COL25A1: variants seen among roughly 807,000 people sequenced by gnomAD.
COL25A1 encodes collagen alpha-1(XXV) chain.
In COL25A1, 103 loss-of-function variants were observed where a neutral mutation model predicts 128.4. The ratio of observed to expected loss-of-function variants is 0.80; its 90% CI spans 0.68 to 0.94. The LOEUF is 0.94. Among genes scored for constraint, COL25A1 ranks in the 40% least tolerant of loss-of-function variants. COL25A1 has a pLI of 0.00. For synonymous variants in COL25A1, 279 were observed against 277.2 expected, an observed-to-expected ratio of 1.01 and a Z score of -0.06; for missense variants, 745 against 840.0, an observed-to-expected ratio of 0.89 and a Z score of 1.40.
At chr4:108,832,990 A>AATAAATAC (rs1315517848) in intron 31 of COL25A1, among the ~76,000 whole-genome samples, 1 of 145,972 alleles carries the variant, frequency 6.9e-6, no homozygotes, top group African/African-American at 2.8e-5. Context: ...TAAATAAATA[A>AATAAATAC]ATAAATAAAT....
chr4:108,889,665 C>T lies in COL25A1; in HGVS notation c.939+36G>A, dbSNP rs755355341. Reference sequence around the variant, plus strand: ...AGGCCTATAAAAATCAGAACTGTAACTCCTGGAGTACAAATACTTGCAAGG... The same window carrying T: ...AGGCCTATAAAAATCAGAACTGTAATTCCTGGAGTACAAATACTTGCAAGG... On this transcript the variant is annotated intron_variant, in intron 17 of 37. Transcript: ENST00000399132. 3 of 1,601,500 alleles carry T rather than the reference C, an allele frequency of 1.9e-6. No individual in the cohort carries two copies. In the East Asian group the frequency reaches 6.7e-5, roughly 36 times the overall value.
intron 3 of COL25A1, among the ~76,000 whole-genome samples, chr4:109,245,964 T>G (rs1578536926): frequency 7.0e-6 from 1 of 142,384 alleles, no homozygotes; most frequent in South Asian, 2.2e-4. Flanking sequence ...AGGCCAGGCC[T>G]GAAAACTAGT....
chr4:108,853,913 T>C (rs1262315579), intron 24 of COL25A1, among the ~76,000 whole-genome samples: 1 of 152,172 alleles, frequency 6.6e-6, no homozygotes, highest in Non-Finnish European at 1.5e-5. Context: ...ATCCAGTCTA[T>C]CATTGATGGG....
intron 6 of COL25A1, among the ~76,000 whole-genome samples, chr4:109,004,674 T>C (rs990950151): frequency 2.0e-5 from 3 of 151,722 alleles, no homozygotes; most frequent in Non-Finnish European, 4.4e-5. Flanking sequence ...TGGCACCTTC[T>C]CTCTCTCTCT....
chr4:109,292,655 G>A (rs540007114), intron 3 of COL25A1, among the ~76,000 whole-genome samples: 1 of 151,978 alleles, frequency 6.6e-6, no homozygotes, highest in Non-Finnish European at 1.5e-5. Context: ...TGGAGAGCCC[G>A]TAAGTGACAC....
At chr4:108,874,104 G>C (rs1230919569) in intron 19 of COL25A1, among the ~76,000 whole-genome samples, 1 of 152,148 alleles carries the variant, frequency 6.6e-6, no homozygotes, top group Non-Finnish European at 1.5e-5. Flanking sequence ...TGTTAACCAG[G>C]GTAGAGGAAA....
At chr4:108,998,531 C>T (rs1454792550) in intron 6 of COL25A1, among the ~76,000 whole-genome samples, 3 of 152,110 alleles carry the variant, frequency 2.0e-5, no homozygotes, top group African/African-American at 7.2e-5. Flanking sequence ...ATGAAAATGG[C>T]CAACCTGCCC....
chr4:108,884,114 T>A (rs1293289613), intron 19 of COL25A1, 64 bp downstream of exon 19: 1 of 1,520,702 alleles, frequency 6.6e-7, no homozygotes, highest in Admixed American at 1.7e-5. Context: ...CCTATTTTCC[T>A]CCAATTTGGG....
chr4:109,138,713 TTTTG>T (rs1770069426), intron 3 of COL25A1, among the ~76,000 whole-genome samples: 1 of 152,112 alleles, frequency 6.6e-6, no homozygotes, highest in Non-Finnish European at 1.5e-5. Context: ...GTTTTTTGTT[TTTTG>T]TTTTTTTTGA....
chr4:109,225,246 T>G (rs2126214263), intron 3 of COL25A1, among the ~76,000 whole-genome samples: 1 of 152,212 alleles, frequency 6.6e-6, no homozygotes, highest in South Asian at 2.1e-4. Context: ...ACAAAAAAAC[T>G]TACATTCAGA....
intron 5 of COL25A1, among the ~76,000 whole-genome samples, chr4:109,047,480 A>G (rs1332116474): frequency 6.6e-6 from 1 of 152,012 alleles, no homozygotes; most frequent in Non-Finnish European, 1.5e-5. Context: ...CTCGGGGGAA[A>G]AGGTGTGAAG....
At chr4:108,945,508 T>G (rs1291163992) in intron 8 of COL25A1, among the ~76,000 whole-genome samples, 1 of 152,190 alleles carries the variant, frequency 6.6e-6, no homozygotes, top group Non-Finnish European at 1.5e-5. Context: ...CATAATCCTT[T>G]CTAAACAAAT....
In COL25A1 at chr4:108,810,109, C is replaced by T. The variant is rs1194722526; in HGVS notation, c.*3818G>A. ...ATGTTAAAACACCACCAAAGTATAG[C>T]CCTACTCTGGGTAAGACAATATATA... On this transcript the variant is annotated 3_prime_UTR_variant, in exon 38 of 38. Transcript: ENST00000399132. The T allele has an allele frequency of 6.6e-6, 1 of 151,620 alleles. No individual in the cohort carries two copies. The highest frequency in any genetic ancestry group is 1.5e-5 in the Non-Finnish European group (1 of 67,822). The allele number at this position is 151,620 out of a possible 1,614,324, so 9.4% of individuals were successfully genotyped here.
chr4:109,078,006 G>T (rs1028696632), intron 3 of COL25A1, among the ~76,000 whole-genome samples: 3 of 152,162 alleles, frequency 2.0e-5, no homozygotes, highest in Non-Finnish European at 4.4e-5. Flanking sequence ...AGTAGTAGGG[G>T]TGTTTTCTTA....
intron 3 of COL25A1, among the ~76,000 whole-genome samples, chr4:109,117,531 A>G (rs1209358969): frequency 6.6e-6 from 1 of 152,014 alleles, no homozygotes; most frequent in African/African-American, 2.4e-5. Flanking sequence ...GAGAAAAAAT[A>G]TTAGGTCAGA....
intron 32 of COL25A1, 87 bp downstream of exon 32, chr4:108,832,293 C>T (rs1733216441): frequency 2.2e-6 from 2 of 921,904 alleles, no homozygotes; most frequent in South Asian, 1.6e-5. Flanking sequence ...TTTATTTCTT[C>T]TGAAAAATGA....
Position 108,846,134 on chromosome 4 carries a change from C to A in COL25A1, c.1515+5G>T, listed in dbSNP as rs756827914. On this transcript the variant is annotated splice_donor_5th_base_variant and intron_variant, in intron 28 of 37. Coordinates refer to ENST00000399132, the MANE Select transcript of COL25A1 (RefSeq NM_198721.4). Reference sequence around the variant, plus strand: ...AGTATAAACAAACAGAAAGTATAAACATACCGGTAATCCAGGAAGTCCAAT... The same window carrying A: ...AGTATAAACAAACAGAAAGTATAAAAATACCGGTAATCCAGGAAGTCCAAT... The A allele has an allele frequency of 6.3e-7, 1 of 1,582,926 alleles. No individual in the cohort carries two copies. Among genetic ancestry groups the A allele is most frequent in the East Asian group, 2.2e-5 (1 of 44,700 alleles).
rs558201981 is a variant in COL25A1, at chr4:109,297,011, C to A, written c.367+3572G>T. ...TCTTTCCAATTAGAGTTGAATTTTACAGAGGCCAAGCCACAGATGCCAGCT... is the reference window on the plus strand; with the variant it reads ...TCTTTCCAATTAGAGTTGAATTTTAAAGAGGCCAAGCCACAGATGCCAGCT... On this transcript the variant is annotated intron_variant, in intron 3 of 37. Coordinates refer to ENST00000399132, the MANE Select transcript of COL25A1 (RefSeq NM_198721.4). Among the ~76,000 whole-genome samples, 10 of 152,216 alleles carry A rather than the reference C, an allele frequency of 6.6e-5. No individual in the cohort carries two copies. The East Asian group carries it at 1.4e-3, about 21-fold the overall frequency.
intron 28 of COL25A1, among the ~76,000 whole-genome samples, chr4:108,845,550 G>T (rs1426634564): frequency 6.6e-6 from 1 of 152,110 alleles, no homozygotes; most frequent in African/African-American, 2.4e-5. Flanking sequence ...ATCTTTTATG[G>T]TGGTGCGCAA....
Sources: allele counts gnomAD v4.1 joint callset (sites outside exome capture counted in the v4.1 genomes callset), GRCh38; gene constraint gnomAD v4.1.1; transcripts MANE v1.5; gene names NCBI Gene and HGNC (gene_info 2026-07-23, HGNC 2026-07-21).